Variants in RBM20 observed in about 807,000 individuals in gnomAD.
RBM20 encodes RNA-binding protein 20.
Under a neutral mutation model 110.1 loss-of-function variants are expected in RBM20, and 51 were observed. The ratio of observed to expected loss-of-function variants is 0.46; its 90% confidence interval spans 0.37 to 0.59. RBM20 has a LOEUF of 0.59. Ranked by LOEUF, RBM20 falls within the 20% of genes least tolerant of loss-of-function variation. The pLI is 0.00. For missense variants in RBM20, 1,512 were observed against 1,574.9 expected, an observed-to-expected ratio of 0.96 and a Z score of 0.68; for synonymous variants, 589 against 618.2, an observed-to-expected ratio of 0.95 and a Z score of 0.70.
rs182511815 is a variant in RBM20 at position 110,749,903 on chromosome 10, G to A, written c.192-30898G>A. Among the ~76,000 whole-genome samples the A allele has an allele frequency of 4.9e-3, 740 of 152,064 alleles. 3 individuals are homozygous for A. The highest frequency in any genetic ancestry group is 8.8e-3 in the Non-Finnish European group (597 of 68,002). ...GTTAACACTGTCAGAAGCCAACCCC[G>A]GGAGAATATCTTTATGACCTGAGAG... On this transcript the variant is annotated intron_variant, in intron 1 of 13. Coordinates refer to ENST00000369519, the MANE Select transcript of RBM20 (RefSeq NM_001134363.3).
At chr10:110,787,764 T>A (rs967418652) in intron 5 of RBM20, among the ~76,000 whole-genome samples, 1 of 152,020 alleles carries the variant, frequency 6.6e-6, no homozygotes, top group African/African-American at 2.4e-5. Flanking sequence ...CAGGAAACAT[T>A]TTGCTAGGAG....
chr10:110,676,887 T>G (rs1227905605), intron 1 of RBM20, among the ~76,000 whole-genome samples: 4 of 152,212 alleles, frequency 2.6e-5, no homozygotes, highest in African/African-American at 7.2e-5. Flanking sequence ...AATATTAATG[T>G]TTTTAAAAAA....
intron 12 of RBM20, among the ~76,000 whole-genome samples, chr10:110,830,620 C>T (rs1224095670): frequency 6.6e-6 from 1 of 151,892 alleles, no homozygotes; most frequent in African/African-American, 2.4e-5. Context: ...GAACATAATT[C>T]TAAAATAAAC....
chr10:110,706,320 GT>G (rs1258221341), intron 1 of RBM20, among the ~76,000 whole-genome samples: 1 of 152,172 alleles, frequency 6.6e-6, no homozygotes, highest in African/African-American at 2.4e-5. Flanking sequence ...AGTGTCTGGA[GT>G]GGCATTGGCA....
Position 110,733,063 on chromosome 10 carries a change from C to CTTTCTG in RBM20, c.192-47736_192-47731dup, listed in dbSNP as rs374114203. Among the ~76,000 whole-genome samples the CTTTCTG allele has an allele frequency of 2.9e-3, 439 of 152,294 alleles. 3 individuals carry two copies. Among genetic ancestry groups the CTTTCTG allele is most frequent in the African/African-American group, 0.01 (422 of 41,562 alleles). ...TAATTCTGTCAAGATTCTTCCTTCC[C>CTTTCTG]TTTCTGTCTCTGTCTCAGCACCGTC... is the stretch of plus-strand genomic sequence containing the variant. On this transcript the variant is annotated intron_variant, in intron 1 of 13. Coordinates refer to ENST00000369519, the MANE Select transcript of RBM20 (RefSeq NM_001134363.3).
rs976687779 is a variant in RBM20, at chr10:110,812,366, T to A, written c.1969T>A (p.Ser657Thr). Residue 657 changes from serine to threonine, a missense_variant, in exon 9 of 14, where the codon TCT (serine) becomes ACT (threonine). Ser to Thr is a moderately conservative substitution (Grantham distance 58, BLOSUM62 1). Around this residue, in one of 3 missense-constraint regions of RBM20, gnomAD observed 1,149 missense variants for 1,169.4 expected, o/e 0.98. Coordinates refer to ENST00000369519, the MANE Select transcript of RBM20 (RefSeq NM_001134363.3). The part of the protein sequence containing the change: ...SHTPSFTSCS[S>T]SHSPPGPSRA... ...CACTCCCAGCTTCACCTCCTGCAGC[T>A]CTTCCCACAGCCCTCCGGGCCCCTC... The A allele has an allele frequency of 1.7e-5, 26 of 1,551,452 alleles. No homozygotes were observed. Among genetic ancestry groups the A allele is most frequent in the Admixed American group, 3.9e-5 (2 of 50,978 alleles).
chr10:110,820,022 C>T lies in RBM20; in HGVS notation c.2551-50C>T, dbSNP rs1224093408. 6 of 1,196,884 alleles carry T rather than the reference C, an allele frequency of 5.0e-6. No homozygotes were observed. The Admixed American group carries it at 7.5e-5, about 15-fold the overall frequency. 74.1% of individuals were successfully genotyped at this position (1,196,884 alleles called of 1,614,324 possible). A position where few individuals can be genotyped will look rare whatever the true frequency, so the allele number is the denominator to read the frequency against. On this transcript the variant is annotated intron_variant, in intron 9 of 13. Transcript: ENST00000369519. ...CAATATCATTCTTTTTTTCTTCTCC[C>T]TGTCACTGCTCACTGTTGATTTGGT...
chr10:110,780,447 C>CTGTATGCGT (rs2135039763), intron 1 of RBM20, among the ~76,000 whole-genome samples: 1 of 152,266 alleles, frequency 6.6e-6, no homozygotes, highest in Admixed American at 6.5e-5. Context: ...TTTAACAAAG[C>CTGTATGCGT]TGTATGCGTT....
intron 1 of RBM20, among the ~76,000 whole-genome samples, chr10:110,676,483 T>TCTCAGCTCTAAGATGA (rs1249482813): frequency 6.6e-6 from 1 of 152,280 alleles, no homozygotes; most frequent in Non-Finnish European, 1.5e-5. Context: ...GATGAAATGC[T>TCTCAGCTCTAAGATGA]AATTCTAACT....
Position 110,823,454 on chromosome 10 carries a change from TTTTTGCC to T in RBM20, c.3317-23_3317-17del. 3.5e-6 allele frequency: 3 copies of T among 846,518 alleles called. No homozygotes were observed. Among genetic ancestry groups the T allele is most frequent in the Non-Finnish European group, 4.6e-6 (3 of 650,690 alleles). The allele number at this position is 846,518 out of a possible 1,614,324, so 52.4% of individuals were successfully genotyped here. A position where few individuals can be genotyped will look rare whatever the true frequency, so the allele number is the denominator to read the frequency against. On this transcript the variant is annotated intron_variant, in intron 11 of 13. Transcript: ENST00000369519. ...TTCTTTTTTTTTTTTTTTTTTTTTT[TTTTTGCC>T]TTGGTTCATGTTTTGCAGAAAACTC...
chr10:110,684,934 A>ACTG (rs2134866154), intron 1 of RBM20, among the ~76,000 whole-genome samples: 1 of 152,370 alleles, frequency 6.6e-6, no homozygotes, highest in African/African-American at 2.4e-5. Context: ...AGTAAAGAGA[A>ACTG]CTGCTGGTGA....
chr10:110,666,369 G>A (rs140268232), intron 1 of RBM20, among the ~76,000 whole-genome samples: 196 of 152,316 alleles, frequency 1.3e-3, no homozygotes, highest in African/African-American at 4.2e-3. Flanking sequence ...GGGGCTGGGT[G>A]CAGTGGCTCA....
chr10:110,712,791 GACCCCAATAATT>G (rs1862955774), intron 1 of RBM20, among the ~76,000 whole-genome samples: 1 of 152,124 alleles, frequency 6.6e-6, no homozygotes, highest in Non-Finnish European at 1.5e-5. Flanking sequence ...CTGATCTAGA[GACCCCAATAATT>G]ACCTTTCAGT....
intron 1 of RBM20, among the ~76,000 whole-genome samples, chr10:110,660,613 T>C (rs933731100): frequency 2.0e-5 from 3 of 152,060 alleles, no homozygotes; most frequent in Non-Finnish European, 2.9e-5. Context: ...CAAATCCTAT[T>C]GTGAACTGCA....
upstream of RBM20, among the ~76,000 whole-genome samples, chr10:110,644,185 C>T (rs2134791677): frequency 6.6e-6 from 1 of 152,268 alleles, no homozygotes; most frequent in Middle Eastern, 3.4e-3. This position sits in a 1 kb window ranked among gnomAD's most constrained non-coding sequence, Gnocchi z 4.3. Context: ...CAGCTTGGCG[C>T]TGAGCAGCCC....
rs876657571 is a variant in RBM20, at chr10:110,781,209, T to G, written c.600T>G (p.Thr200=). ...PPSAMVMHPF[T]GVMPQTPGQP... ...GTGCCATGGTGATGCATCCTTTCAC[T>G]GGGGTAATGCCTCAGACCCCTGGCC... Residue 200 remains threonine, a synonymous_variant, in exon 2 of 14, where the codon ACT becomes ACG. Transcript: ENST00000369519. The G allele has an allele frequency of 3.2e-6, 5 of 1,551,474 alleles. No homozygotes were observed. Among genetic ancestry groups the G allele is most frequent in the African/African-American group, 1.4e-5 (1 of 73,018 alleles).
chr10:110,767,351 C>G (rs1384270618), intron 1 of RBM20, among the ~76,000 whole-genome samples: 2 of 146,806 alleles, frequency 1.4e-5, no homozygotes, highest in Admixed American at 1.3e-4. Context: ...CTGACCCCCC[C>G]ACCTCCCTCC....
At chr10:110,774,629 C>T (rs1844237052) in intron 1 of RBM20, among the ~76,000 whole-genome samples, 1 of 151,978 alleles carries the variant, frequency 6.6e-6, no homozygotes, top group South Asian at 2.1e-4. Context: ...TCACAGAGGA[C>T]GCCAACTTCA....
chr10:110,772,877 T>C (rs1275212028), intron 1 of RBM20, among the ~76,000 whole-genome samples: 1 of 152,222 alleles, frequency 6.6e-6, no homozygotes. Flanking sequence ...GAACAGACAT[T>C]ACGATCTCCA....
Sources: gnomAD v4.1 joint callset for allele counts (sites outside exome capture counted in the v4.1 genomes callset) on GRCh38, gnomAD v4.1.1 for gene constraint, gnomAD v4.1.1 regional missense constraint, Gnocchi (gnomAD v3.1) non-coding constraint, MANE v1.5 for transcripts, NCBI Gene and HGNC (gene_info 2026-07-23, HGNC 2026-07-21) for gene names.